Variants in RNU4ATAC observed in about 807,000 individuals in gnomAD.
The protein encoded by RNU4ATAC is RNA, U4atac small nuclear (U12-dependent splicing).
exon 1 of RNU4ATAC, chr2:121,530,913 A>C (rs528106770): frequency 1.6e-5 from 11 of 699,222 alleles, no homozygotes; most frequent in Non-Finnish European, 2.9e-5. Context: ...GCTACTGTCC[A>C]ATGAGCGCAT....
At chr2:121,530,947 C>CT (rs1559534331) in exon 1 of RNU4ATAC, 2 of 700,426 alleles carry the variant, frequency 2.9e-6, no homozygotes, top group Non-Finnish European at 5.2e-6. Context: ...CTGCTAACGC[C>CT]TGAACAACAC....
At position 121,530,885 on chromosome 2, in the gene RNU4ATAC, T is replaced by C. The variant is rs1208611147; in HGVS notation, n.5T>C. 9 of 692,916 alleles carry C rather than the reference T, an allele frequency of 1.3e-5. No homozygotes were observed. The highest frequency in any genetic ancestry group is 1.8e-5 in the African/African-American group (1 of 56,992). 42.9% of individuals were successfully genotyped at this position (692,916 alleles called of 1,614,324 possible). On this transcript the variant is annotated non_coding_transcript_exon_variant, in exon 1 of 1. Coordinates refer to ENST00000580972, the Ensembl canonical transcript of RNU4ATAC. ...GCCCAGGGACTTTCTATTATAACCATCCTTTTCTTGGGGTTGCGCTACTGT... is the reference window on the plus strand; with the variant it reads ...GCCCAGGGACTTTCTATTATAACCACCCTTTTCTTGGGGTTGCGCTACTGT...
exon 1 of RNU4ATAC, chr2:121,530,939 G>C (rs770147655): frequency 1.3e-5 from 9 of 700,418 alleles, no homozygotes; most frequent in Admixed American, 6.0e-5. Context: ...GGGCAGTACT[G>C]CTAACGCCTG....
In RNU4ATAC at chr2:121,530,919, C is replaced by G. The variant is rs139495292; in HGVS notation, n.39C>G. On this transcript the variant is annotated non_coding_transcript_exon_variant, in exon 1 of 1. Coordinates refer to ENST00000580972, the Ensembl canonical transcript of RNU4ATAC. ...TGGGGTTGCGCTACTGTCCAATGAG[C>G]GCATAGTGAGGGCAGTACTGCTAAC... The G allele has an allele frequency of 1.7e-5, 12 of 699,610 alleles. No homozygotes were observed. The highest frequency in any genetic ancestry group is 3.0e-5 in the South Asian group (2 of 67,500). 43.3% of individuals were successfully genotyped at this position (699,610 alleles called of 1,614,324 possible).
rs772360964 is a variant in RNU4ATAC, at chr2:121,530,918, G to C, written n.38G>C. Reference sequence around the variant, plus strand: ...TTGGGGTTGCGCTACTGTCCAATGAGCGCATAGTGAGGGCAGTACTGCTAA... The same window carrying C: ...TTGGGGTTGCGCTACTGTCCAATGACCGCATAGTGAGGGCAGTACTGCTAA... On this transcript the variant is annotated non_coding_transcript_exon_variant, in exon 1 of 1. Transcript: ENST00000580972. 9 of 699,626 alleles carry C rather than the reference G, an allele frequency of 1.3e-5. No homozygotes were observed. Among genetic ancestry groups the C allele is most frequent in the Non-Finnish European group, 1.8e-5 (7 of 384,282 alleles). The allele number at this position is 699,626 out of a possible 1,614,324, so 43.3% of individuals were successfully genotyped here.
In RNU4ATAC at chr2:121,530,974, G is replaced by A. The variant is rs774196943; in HGVS notation, n.94G>A. ...GAACAACACACCCGCATCAACTAGA[G>A]CTTTTGCTTTATTTTGGTGCAATTT... On this transcript the variant is annotated non_coding_transcript_exon_variant, in exon 1 of 1. Transcript: ENST00000580972. 9.4e-5 allele frequency: 66 copies of A among 700,232 alleles called. No homozygotes were observed. The highest frequency in any genetic ancestry group is 2.8e-4 in the South Asian group (19 of 67,504). 43.4% of individuals were successfully genotyped at this position (700,232 alleles called of 1,614,324 possible).
chr2:121,530,883 C>T lies in RNU4ATAC; in HGVS notation n.3C>T, dbSNP rs564290155. 313 of 692,286 alleles carry T rather than the reference C, an allele frequency of 4.5e-4. No homozygotes were observed. The highest frequency in any genetic ancestry group is 5.6e-4 in the Non-Finnish European group (213 of 378,510). 42.9% of individuals were successfully genotyped at this position (692,286 alleles called of 1,614,324 possible). On this transcript the variant is annotated non_coding_transcript_exon_variant, in exon 1 of 1. Coordinates refer to ENST00000580972, the Ensembl canonical transcript of RNU4ATAC. Reference sequence around the variant, plus strand: ...CAGCCCAGGGACTTTCTATTATAACCATCCTTTTCTTGGGGTTGCGCTACT... The same window carrying T: ...CAGCCCAGGGACTTTCTATTATAACTATCCTTTTCTTGGGGTTGCGCTACT...
rs905928272 is a variant in RNU4ATAC at position 121,531,000 on chromosome 2, T to C, written n.120T>C. On this transcript the variant is annotated non_coding_transcript_exon_variant, in exon 1 of 1. Coordinates refer to ENST00000580972, the Ensembl canonical transcript of RNU4ATAC. ...CTTTTGCTTTATTTTGGTGCAATTT[T>C]TGGAAAAATGAAAACCTGTTTTCAT... 1.1e-5 allele frequency: 8 copies of C among 700,276 alleles called. No individual in the cohort carries two copies. The highest frequency in any genetic ancestry group is 4.0e-5 in the Admixed American group (2 of 49,982). The allele number at this position is 700,276 out of a possible 1,614,324, so 43.4% of individuals were successfully genotyped here.
In RNU4ATAC at chr2:121,530,943, A is replaced by C. The variant is rs556631327; in HGVS notation, n.63A>C. On this transcript the variant is annotated non_coding_transcript_exon_variant, in exon 1 of 1. Transcript: ENST00000580972. ...GCGCATAGTGAGGGCAGTACTGCTA[A>C]CGCCTGAACAACACACCCGCATCAA... 85 of 700,406 alleles carry C rather than the reference A, an allele frequency of 1.2e-4. No homozygotes were observed. The highest frequency in any genetic ancestry group is 1.9e-4 in the Non-Finnish European group (74 of 384,798). 43.4% of individuals were successfully genotyped at this position (700,406 alleles called of 1,614,324 possible).
Position 121,531,001 on chromosome 2 carries a change from T to C in RNU4ATAC, n.121T>C, listed in dbSNP as rs576987062. 4 of 700,274 alleles carry C rather than the reference T, an allele frequency of 5.7e-6. No individual in the cohort carries two copies. Among genetic ancestry groups the C allele is most frequent in the South Asian group, 3.0e-5 (2 of 67,500 alleles). 43.4% of individuals were successfully genotyped at this position (700,274 alleles called of 1,614,324 possible). The stretch of plus-strand genomic sequence containing the variant: ...TTTTGCTTTATTTTGGTGCAATTTT[T>C]GGAAAAATGAAAACCTGTTTTCATA... On this transcript the variant is annotated non_coding_transcript_exon_variant, in exon 1 of 1. Transcript: ENST00000580972.
exon 1 of RNU4ATAC, chr2:121,530,908 T>TA: frequency 1.4e-6 from 1 of 697,750 alleles, no homozygotes; most frequent in Non-Finnish European, 2.6e-6. Flanking sequence ...GTTGCGCTAC[T>TA]GTCCAATGAG....
chr2:121,530,990 G>T (rs763500364), exon 1 of RNU4ATAC: 2 of 700,064 alleles, frequency 2.9e-6, no homozygotes, highest in Non-Finnish European at 5.2e-6. Context: ...GCTTTATTTT[G>T]GTGCAATTTT....
In RNU4ATAC at chr2:121,530,980, G is replaced by A. The variant is rs192674805; in HGVS notation, n.100G>A. ...CACACCCGCATCAACTAGAGCTTTTGCTTTATTTTGGTGCAATTTTTGGAA... is the reference window on the plus strand; with the variant it reads ...CACACCCGCATCAACTAGAGCTTTTACTTTATTTTGGTGCAATTTTTGGAA... On this transcript the variant is annotated non_coding_transcript_exon_variant, in exon 1 of 1. Transcript: ENST00000580972. 76 of 700,330 alleles carry A rather than the reference G, an allele frequency of 1.1e-4. No individual in the cohort carries two copies. The highest frequency in any genetic ancestry group is 1.6e-4 in the Non-Finnish European group (63 of 384,792). 43.4% of individuals were successfully genotyped at this position (700,330 alleles called of 1,614,324 possible).
chr2:121,530,980 G>C lies in RNU4ATAC; in HGVS notation n.100G>C, dbSNP rs192674805. On this transcript the variant is annotated non_coding_transcript_exon_variant, in exon 1 of 1. Transcript: ENST00000580972. ...CACACCCGCATCAACTAGAGCTTTTGCTTTATTTTGGTGCAATTTTTGGAA... is the reference window on the plus strand; with the variant it reads ...CACACCCGCATCAACTAGAGCTTTTCCTTTATTTTGGTGCAATTTTTGGAA... 5.7e-6 allele frequency: 4 copies of C among 700,212 alleles called. No individual in the cohort carries two copies. In the East Asian group the frequency reaches 8.0e-5, roughly 14 times the overall value. The allele number at this position is 700,212 out of a possible 1,614,324, so 43.4% of individuals were successfully genotyped here.
rs1355984470 is a variant in RNU4ATAC at position 121,530,948 on chromosome 2, T to TC, written n.68_69insC. ...TAGTGAGGGCAGTACTGCTAACGCC[T>TC]GAACAACACACCCGCATCAACTAGA... On this transcript the variant is annotated non_coding_transcript_exon_variant, in exon 1 of 1. Transcript: ENST00000580972. 1 of 700,432 alleles carries TC rather than the reference T, an allele frequency of 1.4e-6. No homozygotes were observed. Among genetic ancestry groups the TC allele is most frequent in the Non-Finnish European group, 2.6e-6 (1 of 384,820 alleles). The allele number at this position is 700,432 out of a possible 1,614,324, so 43.4% of individuals were successfully genotyped here.
At chr2:121,530,941 T>A in exon 1 of RNU4ATAC, 2 of 700,438 alleles carry the variant, frequency 2.9e-6, no homozygotes, top group Non-Finnish European at 5.2e-6. Flanking sequence ...GCAGTACTGC[T>A]AACGCCTGAA....
exon 1 of RNU4ATAC, chr2:121,530,898 G>C (rs563882222): frequency 7.2e-6 from 5 of 695,140 alleles, no homozygotes; most frequent in African/African-American, 1.8e-5. Flanking sequence ...TTTTCTTGGG[G>C]TTGCGCTACT....
chr2:121,530,902 C>G (rs144448852), exon 1 of RNU4ATAC: 1 of 695,468 alleles, frequency 1.4e-6, no homozygotes, highest in African/African-American at 1.7e-5. Context: ...CTTGGGGTTG[C>G]GCTACTGTCC....
At position 121,530,898 on chromosome 2, in the gene RNU4ATAC, G is replaced by A. The variant is rs563882222; in HGVS notation, n.18G>A. The stretch of plus-strand genomic sequence containing the variant: ...CTATTATAACCATCCTTTTCTTGGG[G>A]TTGCGCTACTGTCCAATGAGCGCAT... On this transcript the variant is annotated non_coding_transcript_exon_variant, in exon 1 of 1. Coordinates refer to ENST00000580972, the Ensembl canonical transcript of RNU4ATAC. 2.2e-4 allele frequency: 154 copies of A among 695,256 alleles called. No individual in the cohort carries two copies. Among genetic ancestry groups the A allele is most frequent in the South Asian group, 5.2e-4 (35 of 67,352 alleles). The allele number at this position is 695,256 out of a possible 1,614,324, so 43.1% of individuals were successfully genotyped here.
Sources: allele counts gnomAD v4.1 joint callset, GRCh38; gene constraint gnomAD v4.1.1; transcripts MANE v1.5; gene names NCBI Gene and HGNC (gene_info 2026-07-23, HGNC 2026-07-21).